GPC6: variants seen among roughly 807,000 people sequenced by gnomAD.
GPC6 encodes glypican 6, also known as glypican-6.
GPC6 carries 14 observed loss-of-function variants against 55.2 expected under a neutral mutation model. That is an observed-to-expected ratio of 0.25 (90% confidence interval 0.17 to 0.40). The LOEUF is 0.40. GPC6 is among the 10% of genes least tolerant of loss of function. The pLI, the probability that GPC6 is intolerant of heterozygous loss-of-function variation, is 1.00. For missense variants in GPC6, 641 were observed against 708.5 expected (o/e 0.90, Z 1.08); for synonymous variants, 278 against 259.6 (o/e 1.07, Z -0.68).
chr13:93,552,347 C>T (rs1465221571), intron 2 of GPC6, among the ~76,000 whole-genome samples: 2 of 152,250 alleles, frequency 1.3e-5, no homozygotes, highest in East Asian at 3.9e-4. Flanking sequence ...TTTGTTTTTA[C>T]AATGCTGAAA....
chr13:94,221,290 C>T (rs557151533), intron 4 of GPC6, among the ~76,000 whole-genome samples: 2 of 152,146 alleles, frequency 1.3e-5, no homozygotes, highest in East Asian at 3.9e-4. Flanking sequence ...GAATATTTTC[C>T]CAGAAGTAAA....
chr13:94,208,140 C>G (rs1415946584), intron 4 of GPC6, among the ~76,000 whole-genome samples: 1 of 152,130 alleles, frequency 6.6e-6, no homozygotes, highest in Non-Finnish European at 1.5e-5. Flanking sequence ...TATTGAGGAA[C>G]TGCTTGGTGC....
intron 1 of GPC6, among the ~76,000 whole-genome samples, chr13:93,496,784 A>G (rs1200634761): frequency 1.3e-5 from 2 of 152,202 alleles, no homozygotes; most frequent in Non-Finnish European, 2.9e-5. Flanking sequence ...TATTCTATAC[A>G]GTTATCATGA....
chr13:93,941,463 T>G (rs1878733256), intron 3 of GPC6, among the ~76,000 whole-genome samples: 1 of 152,246 alleles, frequency 6.6e-6, no homozygotes, highest in Non-Finnish European at 1.5e-5. Context: ...GGCATGTGAT[T>G]AAGCAGCAAG....
chr13:93,715,786 G>A (rs145023270), intron 2 of GPC6, among the ~76,000 whole-genome samples: 100 of 151,708 alleles, frequency 6.6e-4, no homozygotes, highest in African/African-American at 2.3e-3. Context: ...ATATCATGAG[G>A]ATTAAATAAT....
At chr13:94,303,786 T>A (rs1472623639) in intron 5 of GPC6, among the ~76,000 whole-genome samples, 1 of 144,532 alleles carries the variant, frequency 6.9e-6, no homozygotes, top group Non-Finnish European at 1.5e-5. Flanking sequence ...AAAAAAAAAA[T>A]TCCAGCAAAC....
At chr13:93,704,046 C>T (rs187893697) in intron 2 of GPC6, among the ~76,000 whole-genome samples, 1 of 152,000 alleles carries the variant, frequency 6.6e-6, no homozygotes, top group Admixed American at 6.6e-5. Flanking sequence ...TTGTTTTTGA[C>T]ATAGTTTTTA....
intron 2 of GPC6, among the ~76,000 whole-genome samples, chr13:93,601,075 G>C (rs1877996748): frequency 6.6e-6 from 1 of 151,816 alleles, no homozygotes; most frequent in Non-Finnish European, 1.5e-5. Context: ...AAAAGACGAG[G>C]GGAAAACAGG....
intron 1 of GPC6, among the ~76,000 whole-genome samples, chr13:93,288,576 G>T (rs1395926625): frequency 2.0e-5 from 3 of 152,108 alleles, no homozygotes; most frequent in African/African-American, 7.2e-5. Flanking sequence ...TATGTAAGAT[G>T]AAACTTTTCT....
chr13:93,820,368 T>A (rs1887002014), intron 2 of GPC6, among the ~76,000 whole-genome samples: 1 of 152,096 alleles, frequency 6.6e-6, no homozygotes, highest in Admixed American at 6.6e-5. Context: ...TTATAATGTT[T>A]AAGAGTTTCC....
At chr13:93,617,356 C>T (rs1350519143) in intron 2 of GPC6, among the ~76,000 whole-genome samples, 1 of 152,094 alleles carries the variant, frequency 6.6e-6, no homozygotes, top group African/African-American at 2.4e-5. Context: ...TTGTCTGCCT[C>T]ATTCATCTCT....
intron 1 of GPC6, among the ~76,000 whole-genome samples, chr13:93,248,477 A>G (rs1047971648): frequency 6.6e-6 from 1 of 151,482 alleles, no homozygotes; most frequent in African/African-American, 2.4e-5. Flanking sequence ...CTCTGTCACA[A>G]TTACTATAAT....
intron 4 of GPC6, among the ~76,000 whole-genome samples, chr13:94,197,718 C>T (rs958227057): frequency 1.3e-5 from 2 of 152,176 alleles, no homozygotes; most frequent in South Asian, 2.1e-4. Flanking sequence ...CAGCCCGTAA[C>T]AATAACTAAG....
In GPC6 at chr13:94,030,800, G is replaced by T. The variant is rs115162540; in HGVS notation, c.877+2906G>T. Among the ~76,000 whole-genome samples the T allele has an allele frequency of 9.7e-3, 1,475 of 152,202 alleles. 30 individuals carry two copies. The highest frequency in any genetic ancestry group is 0.066 in the South Asian group (319 of 4,816). ...GTGCCTATCTAAAATGTGAACAGTG[G>T]TATGCAATCGACCGTCAATAAAAAC... is the stretch of plus-strand genomic sequence containing the variant. On this transcript the variant is annotated intron_variant, in intron 4 of 8. Coordinates refer to ENST00000377047, the MANE Select transcript of GPC6 (RefSeq NM_005708.5).
At chr13:93,459,200 A>G (rs1878588930) in intron 1 of GPC6, among the ~76,000 whole-genome samples, 4 of 152,198 alleles carry the variant, frequency 2.6e-5, no homozygotes, top group Admixed American at 2.6e-4. Flanking sequence ...CTGGGACTAC[A>G]GGCATGGGCC....
chr13:93,828,652 T>G (rs1323640543), intron 2 of GPC6, among the ~76,000 whole-genome samples: 1 of 152,078 alleles, frequency 6.6e-6, no homozygotes, highest in African/African-American at 2.4e-5. Context: ...CTGGACAAAA[T>G]TACACAGTAT....
At chr13:93,859,516 G>A (rs1244664984) in intron 3 of GPC6, among the ~76,000 whole-genome samples, 2 of 151,620 alleles carry the variant, frequency 1.3e-5, no homozygotes. Context: ...AAAGTTGGGT[G>A]ATTTTTGTCC....
intron 2 of GPC6, among the ~76,000 whole-genome samples, chr13:93,738,058 C>G (rs894528970): frequency 6.6e-6 from 1 of 152,090 alleles, no homozygotes; most frequent in African/African-American, 2.4e-5. Flanking sequence ...CAACTTGATA[C>G]GTCATAGGAT....
At chr13:93,807,408 C>T (rs1886572918) in intron 2 of GPC6, among the ~76,000 whole-genome samples, 1 of 152,136 alleles carries the variant, frequency 6.6e-6, no homozygotes, top group South Asian at 2.1e-4. Flanking sequence ...GACGTAATTC[C>T]TCAGGGGAAT....
Sources: allele counts gnomAD v4.1 joint callset (sites outside exome capture counted in the v4.1 genomes callset), GRCh38; gene constraint gnomAD v4.1.1; transcripts MANE v1.5; gene names NCBI Gene and HGNC (gene_info 2026-07-23, HGNC 2026-07-21).